The following CMIP variants were observed in gnomAD, a reference collection of about 807,000 sequenced individuals.
CMIP encodes the protein C-Maf-inducing protein.
In CMIP, 13 loss-of-function variants were observed where a neutral mutation model predicts 97.3. That is an observed-to-expected ratio of 0.13 (90% CI 0.09 to 0.21). The LOEUF (loss-of-function observed/expected upper bound fraction) is 0.21. CMIP is among the 10% of genes least tolerant of loss of function. CMIP has a pLI of 1.00. For synonymous variants in CMIP, 538 were observed against 436.3 expected (o/e 1.23, Z -2.91); for missense variants, 847 against 1,024.9 (o/e 0.83, Z 2.37).
At chr16:81,694,801 G>C (rs1232677932) in intron 13 of CMIP, among the ~76,000 whole-genome samples, 1 of 152,318 alleles carries the variant, frequency 6.6e-6, no homozygotes, top group East Asian at 1.9e-4. Flanking sequence ...GAGGGATCTT[G>C]AAGACTCTAG....
At chr16:81,477,041 A>G (rs1421843905) in intron 1 of CMIP, among the ~76,000 whole-genome samples, 2 of 152,098 alleles carry the variant, frequency 1.3e-5, no homozygotes, top group Non-Finnish European at 2.9e-5. Flanking sequence ...TCGTGGGGCT[A>G]ATTCATGCCG....
chr16:81,565,332 T>A (rs1312069465), intron 1 of CMIP, among the ~76,000 whole-genome samples: 1 of 152,172 alleles, frequency 6.6e-6, no homozygotes, highest in Non-Finnish European at 1.5e-5. Context: ...CTGTTCCAGA[T>A]GCAGATCCCA....
intron 1 of CMIP, among the ~76,000 whole-genome samples, chr16:81,446,902 G>T (rs1342255768): frequency 7.0e-6 from 1 of 142,062 alleles, no homozygotes. Context: ...CTTAATTTGG[G>T]GTCCGACATG....
chr16:81,658,024 C>G (rs11640649), intron 5 of CMIP, among the ~76,000 whole-genome samples: 1 of 151,210 alleles, frequency 6.6e-6, no homozygotes, highest in Non-Finnish European at 1.5e-5. Flanking sequence ...GTGTAATTGT[C>G]TGTCTTTGAG....
Position 81,652,325 on chromosome 16 carries a change from C to T in CMIP, c.600C>T (p.Asn200=), listed in dbSNP as rs2092437355. ...CCCCCCTGCAGGATGACTCCATCAA[C>T]CAGGCCCCACTGGAAATCGTCTCGA... ...LTSPLQDDSI[N]QAPLEIVSKL... The change falls in exon 4 of 21, where the codon AAC becomes AAT. Residue 200 remains asparagine (N), a synonymous_variant. Coordinates refer to ENST00000537098, the MANE Select transcript of CMIP (RefSeq NM_198390.3). The surrounding 1 kb of genome is among the most constrained non-coding windows in gnomAD (Gnocchi z 5.2). 3 of 1,613,808 alleles carry T rather than the reference C, an allele frequency of 1.9e-6. No homozygotes were observed. The highest frequency in any genetic ancestry group is 3.3e-5 in the Admixed American group (2 of 59,992).
At chr16:81,460,700 G>C (rs184003287) in intron 1 of CMIP, among the ~76,000 whole-genome samples, 2 of 152,300 alleles carry the variant, frequency 1.3e-5, no homozygotes, top group East Asian at 3.9e-4. Flanking sequence ...AGGAGATGGA[G>C]TGGTGTTCAG....
At chr16:81,590,884 C>T (rs1320246828) in intron 1 of CMIP, among the ~76,000 whole-genome samples, 1 of 151,680 alleles carries the variant, frequency 6.6e-6, no homozygotes, top group Non-Finnish European at 1.5e-5. Context: ...ATTTCTATTT[C>T]CTCTTGAATG....
intron 15 of CMIP, among the ~76,000 whole-genome samples, chr16:81,700,019 G>A (rs1335578781): frequency 6.6e-6 from 1 of 152,156 alleles, no homozygotes; most frequent in East Asian, 1.9e-4. Flanking sequence ...GATCAGTGGG[G>A]TTGGGGACGC....
chr16:81,669,488 ACCT>A (rs1255221062), intron 7 of CMIP, among the ~76,000 whole-genome samples: 3 of 66,844 alleles, frequency 4.5e-5, no homozygotes, highest in African/African-American at 2.0e-4. Flanking sequence ...CACCTCTCTC[ACCT>A]CCTTCCACAT....
At chr16:81,701,583 G>T (rs1460883676) in intron 15 of CMIP, 77 bp from the exon 16 acceptor site, 2 of 1,597,504 alleles carry the variant, frequency 1.3e-6, no homozygotes, top group East Asian at 2.2e-5. Context: ...TTCAAAACAA[G>T]GCCCTTGGGG....
chr16:81,620,654 C>A (rs946650256), intron 2 of CMIP: 9 of 541,084 alleles, frequency 1.7e-5, no homozygotes, highest in African/African-American at 1.3e-4. Context: ...GCACACGGTG[C>A]TAGTGATGTC....
chr16:81,702,580 TG>T, intron 16 of CMIP, 41 bp from the exon 17 acceptor site: 1 of 1,598,510 alleles, frequency 6.3e-7, no homozygotes, highest in Non-Finnish European at 8.6e-7. Context: ...AATGGAAACT[TG>T]GGGAAAAGAA....
intron 1 of CMIP, among the ~76,000 whole-genome samples, chr16:81,553,209 C>T (rs1208490771): frequency 6.6e-6 from 1 of 152,208 alleles, no homozygotes; most frequent in African/African-American, 2.4e-5. Context: ...TCGCAGATTG[C>T]TCATCCCCAT....
rs746753381 is a variant in CMIP at position 81,705,570 on chromosome 16, C to T, written c.2163C>T (p.Thr721=). 1 of 1,608,256 alleles carries T rather than the reference C, an allele frequency of 6.2e-7. No individual in the cohort carries two copies. Among genetic ancestry groups the T allele is most frequent in the African/African-American group, 1.3e-5 (1 of 74,858 alleles). The stretch of plus-strand genomic sequence containing the variant: ...TCCAGGTGCTGAACCTGTGCGAGAC[C>T]CCGGTCACAGACGCTGGCCTGCTGG... ...TMLQVLNLCE[T]PVTDAGLLAL... is the part of the protein sequence containing the mutation. The change falls in exon 19 of 21, where the codon ACC becomes ACT. Residue 721 remains threonine, a synonymous_variant. Coordinates refer to ENST00000537098, the MANE Select transcript of CMIP (RefSeq NM_198390.3).
intron 1 of CMIP, among the ~76,000 whole-genome samples, chr16:81,573,901 T>C (rs908374725): frequency 6.6e-6 from 1 of 152,162 alleles, no homozygotes; most frequent in African/African-American, 2.4e-5. Flanking sequence ...TGAGTGTGTC[T>C]CAGAAATAAG....
intron 1 of CMIP, among the ~76,000 whole-genome samples, chr16:81,585,857 G>A (rs987809342): frequency 6.6e-6 from 1 of 152,158 alleles, no homozygotes; most frequent in African/African-American, 2.4e-5. Flanking sequence ...GTTAGTGGCT[G>A]TCTTCCTCTT....
At chr16:81,687,263 C>G (rs1336917563) in intron 10 of CMIP, among the ~76,000 whole-genome samples, 1 of 152,212 alleles carries the variant, frequency 6.6e-6, no homozygotes, top group Non-Finnish European at 1.5e-5. Flanking sequence ...GAGATGAGAC[C>G]TGGGCCCCTC....
rs1908034898 is a variant in CMIP, at chr16:81,705,541, A to G, written c.2134A>G (p.Met712Val). The G allele has an allele frequency of 2.5e-6, 4 of 1,609,512 alleles. No homozygotes were observed. The highest frequency in any genetic ancestry group is 2.5e-6 in the Non-Finnish European group (3 of 1,178,554). Reference protein sequence around the residue: ...GLRLLSEHLTMLQVLNLCETP... With the variant: ...GLRLLSEHLTVLQVLNLCETP... ...TCGGCTCCTGTCGGAACACCTCACC[A>G]TGCTCCAGGTGCTGAACCTGTGCGA... The change falls in exon 19 of 21, where the codon ATG becomes GTG. Residue 712 changes from methionine to valine, a missense_variant. By Grantham distance (21) the Met-to-Val change is conservative (BLOSUM62 1). Coordinates refer to ENST00000537098, the MANE Select transcript of CMIP (RefSeq NM_198390.3).
intron 1 of CMIP, among the ~76,000 whole-genome samples, chr16:81,533,080 C>T (rs1000057654): frequency 5.9e-5 from 9 of 152,150 alleles, no homozygotes; most frequent in Non-Finnish European, 1.3e-4. Context: ...TCCATCCATC[C>T]AAAAAGTTGG....
Sources: gnomAD v4.1 joint callset for allele counts (sites outside exome capture counted in the v4.1 genomes callset) on GRCh38, gnomAD v4.1.1 for gene constraint, Gnocchi (gnomAD v3.1) non-coding constraint, MANE v1.5 for transcripts, NCBI Gene and HGNC (gene_info 2026-07-23, HGNC 2026-07-21) for gene names.